CC2D2B: variants seen among roughly 807,000 people sequenced by gnomAD.
CC2D2B encodes the protein protein CC2D2B.
In CC2D2B, 128 loss-of-function variants were observed where a neutral mutation model predicts 161.2. The observed-to-expected ratio is 0.79, with a 90% confidence interval of 0.69 to 0.92. The LOEUF is 0.92. CC2D2B is among the 40% of genes least tolerant of loss of function. The pLI is 0.00. For missense variants in CC2D2B, 1,173 were observed against 1,375.1 expected, an observed-to-expected ratio of 0.85 and a Z score of 2.32; for synonymous variants, 391 against 449.8, an observed-to-expected ratio of 0.87 and a Z score of 1.65.
intron 21 of CC2D2B, among the ~76,000 whole-genome samples, chr10:95,992,209 T>C (rs1276721273): frequency 6.6e-6 from 1 of 152,216 alleles, no homozygotes; most frequent in Non-Finnish European, 1.5e-5. Context: ...AAGAGAATGA[T>C]TCCTGAACAA....
intron 34 of CC2D2B, among the ~76,000 whole-genome samples, chr10:96,029,300 A>C (rs201733058): frequency 7.7e-5 from 9 of 117,410 alleles, no homozygotes; most frequent in African/African-American, 2.7e-4. Context: ...ATATATATAT[A>C]TATATGTATA....
At position 95,938,818 on chromosome 10, in the gene CC2D2B, A is replaced by G; in HGVS notation, c.694A>G (p.Ser232Gly). 1 of 708,462 alleles carries G rather than the reference A, an allele frequency of 1.4e-6. No individual in the cohort carries two copies. The highest frequency in any genetic ancestry group is 1.5e-5 in the South Asian group (1 of 64,524). 43.9% of individuals were successfully genotyped at this position (708,462 alleles called of 1,614,324 possible). Residue 232 changes from serine to glycine, a missense_variant, in exon 9 of 35, where the codon AGT becomes GGT. Ser to Gly is a moderately conservative substitution (Grantham distance 56). Transcript: ENST00000646931. ...LEEGKCWFGE[S>G]GEIMSLPTPI... Reference sequence around the variant, plus strand: ...ATAGGGAAAATGTTGGTTTGGAGAAAGTGGAGAAATAATGTCATTACCTAC... The same window carrying G: ...ATAGGGAAAATGTTGGTTTGGAGAAGGTGGAGAAATAATGTCATTACCTAC...
intron 24 of CC2D2B, among the ~76,000 whole-genome samples, chr10:95,997,937 T>C (rs959518886): frequency 1.3e-5 from 2 of 152,184 alleles, no homozygotes; most frequent in African/African-American, 4.8e-5. Context: ...CAATATACAC[T>C]CCCAACAGCA....
At chr10:95,926,873 T>TGTGTGTGTGTGTGTGTGTGTGTGTGC (rs397766895) in intron 5 of CC2D2B, among the ~76,000 whole-genome samples, 3 of 150,158 alleles carry the variant, frequency 2.0e-5, no homozygotes, top group Admixed American at 6.7e-5. Context: ...TGTGTGTGTG[T>TGTGTGTGTGTGTGTGTGTGTGTGTGC]GCGCGCGCCT....
chr10:95,958,323 C>A (rs920468176), intron 11 of CC2D2B, among the ~76,000 whole-genome samples: 1 of 152,038 alleles, frequency 6.6e-6, no homozygotes, highest in African/African-American at 2.4e-5. Context: ...GAAACCCCAA[C>A]TGTACTAAAA....
intron 5 of CC2D2B, among the ~76,000 whole-genome samples, chr10:95,926,848 C>CTGTGTGTGTGTG (rs1209292988): frequency 0.017 from 1,866 of 106,772 alleles, 17 homozygotes; most frequent in Non-Finnish European, 0.024. Flanking sequence ...GTGTGTGTGT[C>CTGTGTGTGTGTG]TGTGTGTGTG....
chr10:95,991,484 T>C (rs1171919211), intron 21 of CC2D2B, 23 bp downstream of exon 21: 1 of 688,900 alleles, frequency 1.5e-6, no homozygotes. Flanking sequence ...AACTATTAAG[T>C]ATGAAATATA....
intron 6 of CC2D2B, among the ~76,000 whole-genome samples, chr10:95,934,199 C>A (rs1319204181): frequency 6.6e-6 from 1 of 152,078 alleles, no homozygotes; most frequent in Non-Finnish European, 1.5e-5. Flanking sequence ...ACCCGCCTAC[C>A]CAAGCCTCAG....
intron 2 of CC2D2B, among the ~76,000 whole-genome samples, chr10:95,914,532 G>C (rs558699781): frequency 6.6e-6 from 1 of 152,270 alleles, no homozygotes; most frequent in South Asian, 2.1e-4. Context: ...TCAATGGGGG[G>C]ACCAGATGGA....
intron 32 of CC2D2B, chr10:96,021,005 C>A (rs2079431726): frequency 6.6e-6 from 1 of 152,208 alleles, no homozygotes; most frequent in South Asian, 2.1e-4. Context: ...CACCACTGCA[C>A]TCCAGCCTAG....
At chr10:96,015,231 A>ATTTTTTTT (rs58739011) in intron 29 of CC2D2B, among the ~76,000 whole-genome samples, 21 of 111,290 alleles carry the variant, frequency 1.9e-4, no homozygotes, top group South Asian at 3.0e-4. Flanking sequence ...GGCCCAGCTA[A>ATTTTTTTT]TTTTTTTTTT....
chr10:95,970,084 G>A (rs1265088999), intron 15 of CC2D2B, among the ~76,000 whole-genome samples: 1 of 149,340 alleles, frequency 6.7e-6, no homozygotes, highest in Non-Finnish European at 1.5e-5. Context: ...TGCCCAGGCT[G>A]GAGTGCAGTG....
intron 6 of CC2D2B, among the ~76,000 whole-genome samples, chr10:95,935,371 T>C (rs1477442440): frequency 6.6e-6 from 1 of 152,186 alleles, no homozygotes; most frequent in East Asian, 1.9e-4. Flanking sequence ...TACTTCACCA[T>C]AGCCTCTCAT....
At chr10:95,983,923 TTCCTCCCTTCTCTTTAGGC>T in intron 19 of CC2D2B, 114 bp downstream of exon 19, 4 of 466,024 alleles carry the variant, frequency 8.6e-6, no homozygotes, top group Non-Finnish European at 1.4e-5. Context: ...GTAGACAGAT[TTCCTCCCTTCTCTTTAGGC>T]ATTAAAAATA....
At chr10:95,959,596 A>G (rs781308543) in intron 11 of CC2D2B, among the ~76,000 whole-genome samples, 22 of 152,312 alleles carry the variant, frequency 1.4e-4, no homozygotes, top group East Asian at 5.8e-4. Context: ...ATAGATACTA[A>G]TGTACTAAAC....
chr10:96,029,167 T>G (rs2079913692), intron 34 of CC2D2B, among the ~76,000 whole-genome samples: 2 of 148,628 alleles, frequency 1.3e-5, no homozygotes, highest in Admixed American at 1.4e-4. Context: ...GGGGGATGAA[T>G]AGCCCATTTT....
intron 15 of CC2D2B, among the ~76,000 whole-genome samples, chr10:95,970,942 T>G (rs76234176): frequency 0.038 from 5,765 of 152,274 alleles, 160 homozygotes; most frequent in South Asian, 0.079. Context: ...TTTCTTTGCT[T>G]TCTTGGCTAA....
chr10:95,962,787 A>G (rs2076810668), intron 12 of CC2D2B, among the ~76,000 whole-genome samples: 1 of 149,894 alleles, frequency 6.7e-6, no homozygotes, highest in Non-Finnish European at 1.5e-5. Context: ...TTTTTTAACA[A>G]AAGTGCTCTG....
At chr10:95,977,248 G>A (rs1002980038) in intron 17 of CC2D2B, among the ~76,000 whole-genome samples, 4 of 152,122 alleles carry the variant, frequency 2.6e-5, no homozygotes, top group Non-Finnish European at 4.4e-5. Flanking sequence ...GGTGGCACAC[G>A]CATGTAGTCC....
Sources: allele counts gnomAD v4.1 joint callset (sites outside exome capture counted in the v4.1 genomes callset), GRCh38; gene constraint gnomAD v4.1.1; transcripts MANE v1.5; gene names NCBI Gene and HGNC (gene_info 2026-07-23, HGNC 2026-07-21).